The following DBNL variants were observed in gnomAD, a reference collection of about 807,000 sequenced individuals.
The protein encoded by DBNL is drebrin like, also known as drebrin-like protein.
A neutral mutation model predicts 62.2 loss-of-function variants in DBNL; 35 were observed. The ratio of observed to expected loss-of-function variants is 0.56; its 90% CI spans 0.43 to 0.75. DBNL has a LOEUF of 0.75. Among genes scored for constraint, DBNL ranks in the 30% least tolerant of loss-of-function variants. The pLI is 0.00. For missense variants in DBNL, 495 were observed against 578.4 expected (o/e 0.86, Z 1.48); for synonymous variants, 197 against 218.0 (o/e 0.90, Z 0.85).
In DBNL at chr7:44,056,830, A is replaced by G; in HGVS notation, c.401A>G (p.Lys134Arg). 1 of 1,614,156 alleles carries G rather than the reference A, an allele frequency of 6.2e-7. No homozygotes were observed. The highest frequency in any genetic ancestry group is 8.5e-7 in the Non-Finnish European group (1 of 1,180,032). The change falls in exon 5 of 13, where the codon AAG (lysine) becomes AGG (arginine). Residue 134 changes from lysine (K) to arginine (R), a missense_variant. Lys to Arg is a conservative substitution (Grantham distance 26). Transcript: ENST00000448521. Reference sequence around the variant, plus strand: ...GAGTGCATCATGGAGAAGGTGGCCAAGGCTTCAGGTGCCAACTACAGCTTT... The same window carrying G: ...GAGTGCATCATGGAGAAGGTGGCCAGGGCTTCAGGTGCCAACTACAGCTTT... ...EPECIMEKVAKASGANYSFHK... is the reference protein window; with the variant it reads ...EPECIMEKVARASGANYSFHK...
intron 4 of DBNL, among the ~76,000 whole-genome samples, chr7:44,053,919 G>A (rs895130784): frequency 2.6e-5 from 4 of 151,900 alleles, no homozygotes; most frequent in African/African-American, 7.3e-5. Flanking sequence ...CTCGTGATTT[G>A]CCCGCCTTGG....
intron 1 of DBNL, 37 bp from the exon 2 acceptor site, chr7:44,050,188 G>A (rs750399786): frequency 2.5e-6 from 4 of 1,611,192 alleles, no homozygotes; most frequent in East Asian, 2.2e-5. Context: ...TGGAACCCAA[G>A]GTGCTGGCTA....
At chr7:44,044,848 G>A (rs2096113882) in intron 1 of DBNL, 28 bp downstream of exon 1, 2 of 1,423,736 alleles carry the variant, frequency 1.4e-6, no homozygotes, top group Non-Finnish European at 1.8e-6. Flanking sequence ...CCAGGGTCGG[G>A]CCAGGGGCTG....
At position 44,056,798 on chromosome 7, in the gene DBNL, G is replaced by A. The variant is rs2096137285; in HGVS notation, c.369G>A (p.Val123=). 1 of 1,614,026 alleles carries A rather than the reference G, an allele frequency of 6.2e-7. No homozygotes were observed. The highest frequency in any genetic ancestry group is 1.3e-5 in the African/African-American group (1 of 74,926). ...VTINARAEED[V]EPECIMEKVA... Reference sequence around the variant, plus strand: ...TCAACGCACGGGCCGAGGAGGATGTGGAGCCTGAGTGCATCATGGAGAAGG... The same window carrying A: ...TCAACGCACGGGCCGAGGAGGATGTAGAGCCTGAGTGCATCATGGAGAAGG... Residue 123 remains valine, a synonymous_variant, in exon 5 of 13, where the codon GTG becomes GTA. Coordinates refer to ENST00000448521, the MANE Select transcript of DBNL (RefSeq NM_001014436.3).
In DBNL at chr7:44,059,722, G is replaced by A. The variant is rs1272922012; in HGVS notation, c.1047+64G>A. The A allele has an allele frequency of 4.2e-5, 61 of 1,453,858 alleles. No individual in the cohort carries two copies. Among genetic ancestry groups the A allele is most frequent in the Admixed American group, 8.8e-5 (4 of 45,206 alleles). The allele number at this position is 1,453,858 out of a possible 1,614,324, so 90.1% of individuals were successfully genotyped here. ...GCATACTCAGGAACACTTATCACGG[G>A]CCGCCTGAGTTTTCTGGGGGCATGC... On this transcript the variant is annotated intron_variant, in intron 11 of 12. Coordinates refer to ENST00000448521, the MANE Select transcript of DBNL (RefSeq NM_001014436.3). The surrounding 1 kb of genome is among the most constrained non-coding windows in gnomAD (Gnocchi z 4.1).
At position 44,058,257 on chromosome 7, in the gene DBNL, G is replaced by T. The variant is rs748177361; in HGVS notation, c.681G>T (p.Gln227His). The T allele has an allele frequency of 2.5e-6, 4 of 1,576,538 alleles. No individual in the cohort carries two copies. Among genetic ancestry groups the T allele is most frequent in the Non-Finnish European group, 3.4e-6 (4 of 1,161,994 alleles). Residue 227 changes from glutamine (Q) to histidine (H), a missense_variant, in exon 7 of 13, where the codon CAG becomes CAT. By Grantham distance (24) the Gln-to-His change is conservative (BLOSUM62 0). Coordinates refer to ENST00000448521, the MANE Select transcript of DBNL (RefSeq NM_001014436.3). The stretch of plus-strand genomic sequence containing the variant: ...GCCGGGAGCAGCGCTATCAGGAGCA[G>T]GGTGGCGAGGCCAGCCCCCAGAGGT... ...AARREQRYQE[Q>H]GGEASPQRTW...
intron 4 of DBNL, among the ~76,000 whole-genome samples, chr7:44,053,512 C>T (rs1010482385): frequency 5.3e-5 from 8 of 152,242 alleles, no homozygotes; most frequent in African/African-American, 1.7e-4. Context: ...TCAGCTATAC[C>T]TCAGTTTCCA....
chr7:44,048,632 C>A (rs1380215759), intron 1 of DBNL, among the ~76,000 whole-genome samples: 1 of 152,196 alleles, frequency 6.6e-6, no homozygotes, highest in Non-Finnish European at 1.5e-5. Flanking sequence ...TGATTTGGTT[C>A]CTGTCCGACT....
At position 44,062,618 on chromosome 7, in the gene DBNL, GAC is replaced by G; in HGVS notation, c.*1707_*1708del. 1.3e-6 allele frequency: 1 copy of G among 780,670 alleles called. No individual in the cohort carries two copies. Among genetic ancestry groups the G allele is most frequent in the Admixed American group, 2.2e-5 (1 of 46,402 alleles). The allele number at this position is 780,670 out of a possible 1,614,324, so 48.4% of individuals were successfully genotyped here. ...TGGGTACTAGGCTCCTGCCCCTGGTGACACACGTATGGAGTGGGGGAGGGTGG... is the reference window on the plus strand; with the variant it reads ...TGGGTACTAGGCTCCTGCCCCTGGTGACACGTATGGAGTGGGGGAGGGTGG... On this transcript the variant is annotated 3_prime_UTR_variant, in exon 13 of 13. Coordinates refer to ENST00000448521, the MANE Select transcript of DBNL (RefSeq NM_001014436.3).
In DBNL at chr7:44,064,942, C is replaced by G. The variant is rs138954968; in HGVS notation, c.*4026C>G. ...CTCCTCGTTCCAGAAGGGCAGGGCC[C>G]GGGCAATGGTGTCCTTGAGGCTCTC... is the stretch of plus-strand genomic sequence containing the variant. On this transcript the variant is annotated 3_prime_UTR_variant, in exon 13 of 13. Coordinates refer to ENST00000448521, the MANE Select transcript of DBNL (RefSeq NM_001014436.3). The G allele has an allele frequency of 4.3e-6, 7 of 1,609,662 alleles. No homozygotes were observed. The African/African-American group carries it at 9.3e-5, about 21-fold the overall frequency.
intron 1 of DBNL, among the ~76,000 whole-genome samples, chr7:44,046,809 G>A (rs768620332): frequency 8.5e-5 from 13 of 152,318 alleles, no homozygotes; most frequent in Middle Eastern, 3.4e-3. Context: ...GTGGCTTCCT[G>A]TTGCATGTTG....
At position 44,059,254 on chromosome 7, in the gene DBNL, A is replaced by G. The variant is rs1386016781; in HGVS notation, c.836-100A>G. 8.0e-7 allele frequency: 1 copy of G among 1,257,402 alleles called. No homozygotes were observed. Among genetic ancestry groups the G allele is most frequent in the Non-Finnish European group, 1.1e-6 (1 of 893,454 alleles). 77.9% of individuals were successfully genotyped at this position (1,257,402 alleles called of 1,614,324 possible). A position where few individuals can be genotyped will look rare whatever the true frequency, so the allele number is the denominator to read the frequency against. On this transcript the variant is annotated intron_variant, in intron 9 of 12. Coordinates refer to ENST00000448521, the MANE Select transcript of DBNL (RefSeq NM_001014436.3). This position sits in a 1 kb window ranked among gnomAD's most constrained non-coding sequence, Gnocchi z 4.1. ...TCCTGCACTAGCAAGAGCAAGCCCC[A>G]TGAGACTGCCTCGAGCACACCAGGG...
chr7:44,057,198 G>A (rs994494332), intron 5 of DBNL, among the ~76,000 whole-genome samples: 2 of 152,240 alleles, frequency 1.3e-5, no homozygotes, highest in African/African-American at 4.8e-5. Context: ...TGCCCTCAAG[G>A]TCATGGCACT....
rs1238240125 is a variant in DBNL at position 44,061,280 on chromosome 7, C to T, written c.*364C>T. On this transcript the variant is annotated 3_prime_UTR_variant, in exon 13 of 13. Coordinates refer to ENST00000448521, the MANE Select transcript of DBNL (RefSeq NM_001014436.3). The stretch of plus-strand genomic sequence containing the variant: ...CTGGCTGCCTTCTGCATTTATTTGC[C>T]TTTTTTCTTTTTCTCTTGCTTCTAA... 3 of 234,150 alleles carry T rather than the reference C, an allele frequency of 1.3e-5. No individual in the cohort carries two copies. Among genetic ancestry groups the T allele is most frequent in the African/African-American group, 2.3e-5 (1 of 44,256 alleles). The allele number at this position is 234,150 out of a possible 1,614,324, so 14.5% of individuals were successfully genotyped here. A position where few individuals can be genotyped will look rare whatever the true frequency, so the allele number is the denominator to read the frequency against.
intron 4 of DBNL, among the ~76,000 whole-genome samples, chr7:44,056,159 T>G (rs188650953): frequency 2.5e-4 from 38 of 152,342 alleles, no homozygotes; most frequent in Non-Finnish European, 5.3e-4. Flanking sequence ...TAGCCCTGTT[T>G]ATGAAGGAGA....
chr7:44,065,425 G>C lies in DBNL; in HGVS notation c.*4509G>C. The stretch of plus-strand genomic sequence containing the variant: ...CCTTGGCTCCCCGCTTGGCCTCCTC[G>C]GTCCCCTTTTCACTCAGCTCTGCAT... On this transcript the variant is annotated 3_prime_UTR_variant, in exon 13 of 13. Transcript: ENST00000448521. 1 of 1,614,052 alleles carries C rather than the reference G, an allele frequency of 6.2e-7. No individual in the cohort carries two copies. Among genetic ancestry groups the C allele is most frequent in the Non-Finnish European group, 8.5e-7 (1 of 1,180,026 alleles).
Position 44,059,035 on chromosome 7 carries a change from G to A in DBNL, c.835+52G>A. ...TGAGGCAGCAGCAGGCTGAGGGGGA[G>A]CCTGGGGTCCTATGTGGGCTCCCCC... On this transcript the variant is annotated intron_variant, in intron 9 of 12. Coordinates refer to ENST00000448521, the MANE Select transcript of DBNL (RefSeq NM_001014436.3). The surrounding 1 kb of genome is among the most constrained non-coding windows in gnomAD (Gnocchi z 4.1). 1 of 1,597,300 alleles carries A rather than the reference G, an allele frequency of 6.3e-7. No homozygotes were observed. Among genetic ancestry groups the A allele is most frequent in the Non-Finnish European group, 8.6e-7 (1 of 1,166,462 alleles).
Position 44,050,227 on chromosome 7 carries a change from C to T in DBNL, c.86C>T (p.Ala29Val), listed in dbSNP as rs1395835745. 2 of 1,613,536 alleles carry T rather than the reference C, an allele frequency of 1.2e-6. No individual in the cohort carries two copies. The highest frequency in any genetic ancestry group is 1.7e-5 in the Admixed American group (1 of 59,980). ...AGCTCACTTGTGTTTCGTTTCAGGGCTCTCTTTACCTATGAAGGCAACAGC... is the reference window on the plus strand; with the variant it reads ...AGCTCACTTGTGTTTCGTTTCAGGGTTCTCTTTACCTATGAAGGCAACAGC... Reference protein sequence around the residue: ...VVTEKSPTDWALFTYEGNSND... With the variant: ...VVTEKSPTDWVLFTYEGNSND... Residue 29 changes from alanine to valine, a missense_variant and splice_region_variant, in exon 2 of 13, where the codon GCT becomes GTT. Transcript: ENST00000448521.
At chr7:44,051,575 C>T (rs968182099) in intron 2 of DBNL, 4 of 322,142 alleles carry the variant, frequency 1.2e-5, no homozygotes, top group Admixed American at 4.7e-5. Context: ...GGTTTTTAAA[C>T]GAGTGTGGGT....
Sources: allele counts gnomAD v4.1 joint callset (sites outside exome capture counted in the v4.1 genomes callset), GRCh38; gene constraint gnomAD v4.1.1; non-coding constraint Gnocchi (gnomAD v3.1); transcripts MANE v1.5; gene names NCBI Gene and HGNC (gene_info 2026-07-23, HGNC 2026-07-21).